The following CTBP1 variants were observed in gnomAD, a reference collection of about 807,000 sequenced individuals.
CTBP1 encodes C-terminal binding protein 1.
CTBP1 carries 11 observed loss-of-function variants against 42.1 expected under a neutral mutation model. The ratio of observed to expected loss-of-function variants is 0.26; its 90% CI spans 0.16 to 0.43. The LOEUF (loss-of-function observed/expected upper bound fraction) is 0.43, where lower values mean the gene tolerates loss of function less well. Ranked by LOEUF, CTBP1 falls within the 20% of genes least tolerant of loss-of-function variation. CTBP1 has a pLI of 1.00. For synonymous variants in CTBP1, 324 were observed against 277.1 expected (o/e 1.17, Z -1.68); for missense variants, 399 against 624.3 (o/e 0.64, Z 3.85).
chr4:1,243,997 A>G (rs1443259834), intron 1 of CTBP1: 2 of 985,298 alleles, frequency 2.0e-6, no homozygotes, highest in East Asian at 1.1e-4. Flanking sequence ...TTTTCCTGTA[A>G]ATCTAAGACT....
chr4:1,226,716 G>C (rs1028483545), intron 4 of CTBP1, among the ~76,000 whole-genome samples: 1 of 151,548 alleles, frequency 6.6e-6, no homozygotes, highest in African/African-American at 2.4e-5. Context: ...GCATGCACCC[G>C]ACACCACACA....
At chr4:1,220,607 A>G (rs1450791673) in intron 5 of CTBP1, among the ~76,000 whole-genome samples, 2 of 152,198 alleles carry the variant, frequency 1.3e-5, no homozygotes, top group Non-Finnish European at 2.9e-5. Flanking sequence ...GGAGGATCTC[A>G]AGGCTCACAG....
chr4:1,214,246 G>GC (rs1405681468), intron 7 of CTBP1, 97 bp downstream of exon 7: 4 of 1,389,376 alleles, frequency 2.9e-6, no homozygotes, highest in African/African-American at 1.5e-5. Context: ...CTGAGTACAG[G>GC]CAAGTGTCCG....
intron 6 of CTBP1, 23 bp downstream of exon 6, chr4:1,215,968 C>T: frequency 1.9e-6 from 3 of 1,590,816 alleles, no homozygotes; most frequent in Non-Finnish European, 2.6e-6. Context: ...GAAGTAGAGT[C>T]CTGTGTCCCC....
chr4:1,213,344 G>T, intron 8 of CTBP1, 134 bp downstream of exon 8: 2 of 1,402,816 alleles, frequency 1.4e-6, no homozygotes, highest in Non-Finnish European at 2.0e-6. Flanking sequence ...GTCCCTGCTG[G>T]GGGTGCAGTG....
chr4:1,224,760 C>A (rs998507993), intron 5 of CTBP1, among the ~76,000 whole-genome samples: 1 of 149,456 alleles, frequency 6.7e-6, no homozygotes, highest in African/African-American at 2.5e-5. Context: ...TCTGTGTGTG[C>A]CCGTGAGGTC....
At chr4:1,244,175 T>A (rs1284791936) in intron 1 of CTBP1, 13 of 985,068 alleles carry the variant, frequency 1.3e-5, no homozygotes, top group Admixed American at 1.2e-4. Context: ...CACATCACCA[T>A]CTGCTTGCCG....
intron 1 of CTBP1, among the ~76,000 whole-genome samples, chr4:1,246,855 A>T (rs1384345026): frequency 6.6e-6 from 1 of 150,644 alleles, no homozygotes; most frequent in Admixed American, 6.6e-5. Flanking sequence ...AAATTTATTA[A>T]CAGAATGATG....
chr4:1,241,934 T>C lies in CTBP1; in HGVS notation c.-188-415A>G, dbSNP rs992431914. On this transcript the variant is annotated intron_variant, in intron 1 of 9. Transcript: ENST00000382952. ...TCCTGTTCTGGAAGCTTCTATCTCA[T>C]GTCACTGATTCCCGGGCCTCTGTGA... 5.8e-6 allele frequency: 6 copies of C among 1,031,136 alleles called. No homozygotes were observed. The African/African-American group carries it at 8.6e-5, about 15-fold the overall frequency. 63.9% of individuals were successfully genotyped at this position (1,031,136 alleles called of 1,614,324 possible). A position where few individuals can be genotyped will look rare whatever the true frequency, so the allele number is the denominator to read the frequency against.
chr4:1,247,169 C>A (rs972284895), intron 1 of CTBP1, among the ~76,000 whole-genome samples: 18 of 152,234 alleles, frequency 1.2e-4, no homozygotes, highest in African/African-American at 4.3e-4. Context: ...CACACGCCCA[C>A]CTCTCAGAAC....
At chr4:1,246,848 TTTA>T (rs76010116) in intron 1 of CTBP1, among the ~76,000 whole-genome samples, 42,456 of 151,978 alleles carry the variant, frequency 0.28, 7,005 homozygotes, top group Middle Eastern at 0.44. Flanking sequence ...CCAGAAAAAA[TTTA>T]TTAACAGAAT....
chr4:1,230,664 C>T (rs1041900732), intron 3 of CTBP1, among the ~76,000 whole-genome samples: 114 of 152,370 alleles, frequency 7.5e-4, no homozygotes, highest in Middle Eastern at 3.4e-3. Flanking sequence ...TGCTTTCACC[C>T]GGAGCACTGG....
chr4:1,242,956 C>A, intron 1 of CTBP1: 1 of 985,368 alleles, frequency 1.0e-6, no homozygotes, highest in Non-Finnish European at 1.2e-6. Context: ...TCAATGCCAG[C>A]CGATACTCAT....
intron 5 of CTBP1, chr4:1,223,492 C>T (rs1386245611): frequency 1.3e-5 from 6 of 456,014 alleles, no homozygotes; most frequent in Non-Finnish European, 1.8e-5. Flanking sequence ...ACAAGGACAG[C>T]GGTCAGCAGG....
At chr4:1,237,802 C>T (rs1422976355) in intron 3 of CTBP1, 2 of 692,122 alleles carry the variant, frequency 2.9e-6, no homozygotes, top group Non-Finnish European at 5.3e-6. Context: ...CCTGATGGGG[C>T]ACAGGGCAAA....
rs376188593 is a variant in CTBP1 at position 1,241,424 on chromosome 4, G to A, written c.-93C>T. 2.0e-6 allele frequency: 3 copies of A among 1,465,202 alleles called. No homozygotes were observed. Among genetic ancestry groups the A allele is most frequent in the Non-Finnish European group, 2.9e-6 (3 of 1,044,680 alleles). The allele number at this position is 1,465,202 out of a possible 1,614,324, so 90.8% of individuals were successfully genotyped here. ...CCCAGGCAGAACCGCGTCCTGTCTC[G>A]GAGCCTCATCCCACGTCCTTAATTG... On this transcript the variant is annotated 5_prime_UTR_variant, in exon 2 of 10. It introduces an in-frame stop codon into an upstream open reading frame of the 5' UTR. Coordinates refer to ENST00000382952, the MANE Select transcript of CTBP1 (RefSeq NM_001012614.2).
At chr4:1,245,244 GC>G in intron 1 of CTBP1, 1 of 985,442 alleles carries the variant, frequency 1.0e-6, no homozygotes, top group Non-Finnish European at 1.2e-6. Context: ...AGGACACAGC[GC>G]AGGGGCTGTG....
rs148933330 is a variant in CTBP1 at position 1,228,913 on chromosome 4, C to T, written c.163-570G>A. Among the ~76,000 whole-genome samples the T allele has an allele frequency of 1.1e-4, 17 of 152,362 alleles. No individual in the cohort carries two copies. The East Asian group carries it at 3.3e-3, about 29-fold the overall frequency. ...ACATCCACAGGAGCATGCACTGCCC[C>T]CGTGTCGCCCAAGAACCTGCCCAGA... On this transcript the variant is annotated intron_variant, in intron 3 of 9. Coordinates refer to ENST00000382952, the MANE Select transcript of CTBP1 (RefSeq NM_001012614.2).
chr4:1,248,910 C>A lies in CTBP1; in HGVS notation c.-189+6G>T. On this transcript the variant is annotated splice_donor_region_variant and intron_variant, in intron 1 of 9. Transcript: ENST00000382952. ...CGGCCGGAAACGCGCGCGCGCGCGGCCTTACCAAGCGGCAGGCCCTTGTTG... is the reference window on the plus strand; with the variant it reads ...CGGCCGGAAACGCGCGCGCGCGCGGACTTACCAAGCGGCAGGCCCTTGTTG... The A allele has an allele frequency of 1.0e-6, 1 of 988,978 alleles. No homozygotes were observed. Among genetic ancestry groups the A allele is most frequent in the South Asian group, 3.7e-5 (1 of 27,226 alleles). 61.3% of individuals were successfully genotyped at this position (988,978 alleles called of 1,614,324 possible).
Sources: gnomAD v4.1 joint callset for allele counts (sites outside exome capture counted in the v4.1 genomes callset) on GRCh38, gnomAD v4.1.1 for gene constraint, MANE v1.5 for transcripts, NCBI Gene and HGNC (gene_info 2026-07-23, HGNC 2026-07-21) for gene names.